Variants in PLPPR1 observed in about 807,000 individuals in gnomAD.
The protein encoded by PLPPR1 is phospholipid phosphatase related 1, also known as phospholipid phosphatase-related protein type 1.
In PLPPR1, 10 loss-of-function variants were observed where a neutral mutation model predicts 33.1. That is an observed-to-expected ratio of 0.30 (90% CI 0.19 to 0.51). PLPPR1 has a LOEUF of 0.51. Among genes scored for constraint, PLPPR1 ranks in the 20% least tolerant of loss-of-function variants. The pLI, the probability that PLPPR1 is intolerant of heterozygous loss-of-function variation, is 0.97. For synonymous variants in PLPPR1, 151 were observed against 151.0 expected, an observed-to-expected ratio of 1.00 and a Z score of 0.00; for missense variants, 304 against 408.1, an observed-to-expected ratio of 0.74 and a Z score of 2.20.
intron 4 of PLPPR1, among the ~76,000 whole-genome samples, chr9:101,300,723 ATC>A: frequency 6.6e-6 from 1 of 152,344 alleles, no homozygotes; most frequent in African/African-American, 2.4e-5. Flanking sequence ...ATATTTCGAT[ATC>A]TCTTGGTAGC....
chr9:101,157,312 A>G (rs751524453), intron 1 of PLPPR1, among the ~76,000 whole-genome samples: 6 of 152,222 alleles, frequency 3.9e-5, no homozygotes, highest in Non-Finnish European at 8.8e-5. Context: ...AGGCATATCA[A>G]GGTTTCACTA....
intron 3 of PLPPR1, among the ~76,000 whole-genome samples, chr9:101,284,870 A>G (rs1328608128): frequency 2.0e-5 from 3 of 152,218 alleles, no homozygotes; most frequent in Non-Finnish European, 4.4e-5. Flanking sequence ...CATCTATGAG[A>G]TCACATTATT....
intron 6 of PLPPR1, among the ~76,000 whole-genome samples, chr9:101,315,921 G>C (rs571953641): frequency 1.3e-5 from 2 of 152,224 alleles, no homozygotes; most frequent in Non-Finnish European, 2.9e-5. Context: ...GGGGAAGGAA[G>C]TTATTAGCTG....
At chr9:101,178,453 G>T (rs1169451464) in intron 1 of PLPPR1, among the ~76,000 whole-genome samples, 1 of 152,184 alleles carries the variant, frequency 6.6e-6, no homozygotes, top group Admixed American at 6.5e-5. Flanking sequence ...ATATGGGTTT[G>T]CCTATCCTTC....
At chr9:101,204,686 C>T (rs1301216893) in intron 2 of PLPPR1, among the ~76,000 whole-genome samples, 2 of 152,072 alleles carry the variant, frequency 1.3e-5, no homozygotes, top group African/African-American at 4.8e-5. Context: ...CTAAGCTTCT[C>T]TAGTATCTCT....
chr9:101,157,325 T>C (rs754944002), intron 1 of PLPPR1, among the ~76,000 whole-genome samples: 4 of 152,162 alleles, frequency 2.6e-5, no homozygotes, highest in Non-Finnish European at 4.4e-5. Context: ...TTTCACTAAG[T>C]AAGATGCAGA....
In PLPPR1 at chr9:101,324,224, ATTTTTTT is replaced by A. The variant is rs10560929; in HGVS notation, c.*179_*185del. Reference sequence around the variant, plus strand: ...TGAGGAAGTGATGTAGCTTGCCCTGATTTTTTTTTTTTTTTTTTGGTCAGCTTTAATA... The same window carrying A: ...TGAGGAAGTGATGTAGCTTGCCCTGATTTTTTTTTTTGGTCAGCTTTAATA... On this transcript the variant is annotated 3_prime_UTR_variant, in exon 8 of 8. Transcript: ENST00000374874. The A allele has an allele frequency of 8.4e-6, 3 of 357,854 alleles. No homozygotes were observed. The highest frequency in any genetic ancestry group is 9.7e-6 in the Non-Finnish European group (2 of 206,738). The allele number at this position is 357,854 out of a possible 1,614,324, so 22.2% of individuals were successfully genotyped here. A position where few individuals can be genotyped will look rare whatever the true frequency, so the allele number is the denominator to read the frequency against.
chr9:101,235,333 C>G (rs1388020442), intron 2 of PLPPR1, among the ~76,000 whole-genome samples: 1 of 151,810 alleles, frequency 6.6e-6, no homozygotes, highest in African/African-American at 2.4e-5. Context: ...TTTAATTTCA[C>G]TCTCATGACG....
At chr9:101,252,762 T>C (rs1827734509) in intron 2 of PLPPR1, among the ~76,000 whole-genome samples, 1 of 151,846 alleles carries the variant, frequency 6.6e-6, no homozygotes. Flanking sequence ...TAAGTACTTC[T>C]GTTTAAAACT....
intron 4 of PLPPR1, among the ~76,000 whole-genome samples, chr9:101,301,722 A>C (rs1160245086): frequency 6.6e-6 from 1 of 152,216 alleles, no homozygotes; most frequent in Non-Finnish European, 1.5e-5. Context: ...GATCAATTGC[A>C]CCGAATGTGT....
intron 3 of PLPPR1, among the ~76,000 whole-genome samples, chr9:101,273,444 T>C (rs557427855): frequency 1.3e-5 from 2 of 152,320 alleles, no homozygotes; most frequent in East Asian, 3.9e-4. Context: ...TCCTGCATCC[T>C]CTGAAATGTA....
intron 2 of PLPPR1, among the ~76,000 whole-genome samples, chr9:101,237,667 A>G (rs2118836324): frequency 7.1e-6 from 1 of 140,902 alleles, no homozygotes; most frequent in South Asian, 2.2e-4. Flanking sequence ...ACAAAATTCC[A>G]TCATATATAT....
At chr9:101,118,326 G>C (rs1427381421) in intron 1 of PLPPR1, among the ~76,000 whole-genome samples, 4 of 152,236 alleles carry the variant, frequency 2.6e-5, no homozygotes, top group African/African-American at 4.8e-5. Flanking sequence ...ATCCAAGGGA[G>C]AGAATGTGTC....
intron 1 of PLPPR1, among the ~76,000 whole-genome samples, chr9:101,052,339 T>C (rs1015848061): frequency 5.4e-4 from 83 of 152,322 alleles, no homozygotes; most frequent in African/African-American, 1.9e-3. Context: ...GAGACATTTT[T>C]AGCTGCCACA....
chr9:101,160,857 T>C (rs1199665392), intron 1 of PLPPR1, among the ~76,000 whole-genome samples: 1 of 152,138 alleles, frequency 6.6e-6, no homozygotes, highest in East Asian at 1.9e-4. Context: ...CATCGAAATA[T>C]TAAAAAAAGA....
intron 1 of PLPPR1, among the ~76,000 whole-genome samples, chr9:101,056,474 A>T (rs1278925020): frequency 6.6e-6 from 1 of 152,162 alleles, no homozygotes; most frequent in African/African-American, 2.4e-5. Context: ...GTGCCCCCTG[A>T]TGTAGGCTAT....
intron 1 of PLPPR1, among the ~76,000 whole-genome samples, chr9:101,033,071 C>A (rs544041466): frequency 2.6e-5 from 4 of 152,292 alleles, no homozygotes; most frequent in Non-Finnish European, 5.9e-5. Context: ...TGCATCTTGG[C>A]ATCCTGGAAT....
intron 2 of PLPPR1, among the ~76,000 whole-genome samples, chr9:101,209,423 T>A (rs1826648721): frequency 6.6e-6 from 1 of 152,256 alleles, no homozygotes; most frequent in Admixed American, 6.5e-5. Flanking sequence ...GTGGAATGAA[T>A]GAAACACCTT....
intron 2 of PLPPR1, among the ~76,000 whole-genome samples, chr9:101,226,137 C>G (rs1321634291): frequency 2.0e-5 from 3 of 152,150 alleles, no homozygotes; most frequent in Admixed American, 6.5e-5. Context: ...GCTGCTTGCA[C>G]TATGAACAAG....
Sources: gnomAD v4.1 joint callset for allele counts (sites outside exome capture counted in the v4.1 genomes callset) on GRCh38, gnomAD v4.1.1 for gene constraint, MANE v1.5 for transcripts, NCBI Gene and HGNC (gene_info 2026-07-23, HGNC 2026-07-21) for gene names.